PPIH: variants seen among roughly 807,000 people sequenced by gnomAD.
The protein encoded by PPIH is peptidylprolyl isomerase H, also known as peptidyl-prolyl cis-trans isomerase H.
A neutral mutation model predicts 27.6 loss-of-function variants in PPIH; 16 were observed. The ratio of observed to expected loss-of-function variants is 0.58; its 90% CI spans 0.39 to 0.88. The LOEUF is 0.88. Ranked by LOEUF, PPIH falls within the 40% of genes least tolerant of loss-of-function variation. PPIH has a pLI of 0.00. For synonymous variants in PPIH, 63 were observed against 76.1 expected, an observed-to-expected ratio of 0.83 and a Z score of 0.90; for missense variants, 155 against 224.1, an observed-to-expected ratio of 0.69 and a Z score of 1.97.
At chr1:42,667,464 G>A (rs772567472) in intron 9 of PPIH, 24 bp downstream of exon 9, 5 of 1,531,082 alleles carry the variant, frequency 3.3e-6, no homozygotes, top group Non-Finnish European at 4.5e-6. Context: ...TCTCCTATTA[G>A]GTTAGGAATC....
chr1:42,680,336 C>G (rs1474801458), downstream of PPIH, among the ~76,000 whole-genome samples: 1 of 152,210 alleles, frequency 6.6e-6, no homozygotes, highest in Non-Finnish European at 1.5e-5. Flanking sequence ...ATCTGATACA[C>G]TGAAGCAACA....
In PPIH at chr1:42,665,957, CA is replaced by C. The variant is rs763770505; in HGVS notation, c.337-22del. On this transcript the variant is annotated intron_variant, in intron 6 of 9. Coordinates refer to ENST00000304979, the MANE Select transcript of PPIH (RefSeq NM_006347.4). The stretch of plus-strand genomic sequence containing the variant: ...CTAACATGGCCGGGGAAACTTACTG[CA>C]GGTATATTTGGTTTCCATCAGGCGA... 73 of 1,596,652 alleles carry C rather than the reference CA, an allele frequency of 4.6e-5. No individual in the cohort carries two copies. In the African/African-American group the frequency reaches 9.5e-4, roughly 21 times the overall value.
intron 1 of PPIH, 156 bp downstream of exon 1, chr1:42,658,668 G>C (rs993422487): frequency 9.0e-7 from 1 of 1,113,746 alleles, no homozygotes; most frequent in South Asian, 1.4e-5. Context: ...AAAGGAGGAG[G>C]AGGAGTCTCC....
rs780321658 is a variant in PPIH, at chr1:42,666,139, C to A, written c.424+72C>A. 4.6e-5 allele frequency: 65 copies of A among 1,412,178 alleles called. 1 individual carries two copies. Among genetic ancestry groups the A allele is most frequent in the Non-Finnish European group, 6.2e-5 (62 of 998,526 alleles). The allele number at this position is 1,412,178 out of a possible 1,614,324, so 87.5% of individuals were successfully genotyped here. Reference sequence around the variant, plus strand: ...TGGAACCTCCAGAGGAGTTAGTTCTCAAACTCTTACCAAGAAAGCTCAACC... The same window carrying A: ...TGGAACCTCCAGAGGAGTTAGTTCTAAAACTCTTACCAAGAAAGCTCAACC... On this transcript the variant is annotated intron_variant, in intron 7 of 9. Coordinates refer to ENST00000304979, the MANE Select transcript of PPIH (RefSeq NM_006347.4).
intron 9 of PPIH, among the ~76,000 whole-genome samples, chr1:42,674,324 A>G (rs144706038): frequency 3.1e-4 from 48 of 152,386 alleles, no homozygotes; most frequent in Admixed American, 1.2e-3. Context: ...CAGCCTATGC[A>G]AAGTCACAAA....
chr1:42,665,241 T>G (rs1364521028), intron 6 of PPIH, among the ~76,000 whole-genome samples: 1 of 151,862 alleles, frequency 6.6e-6, no homozygotes, highest in African/African-American at 2.4e-5. Flanking sequence ...CCATCTCTAC[T>G]AAAAATACAA....
chr1:42,659,007 T>A, intron 2 of PPIH, 99 bp downstream of exon 2: 1 of 1,407,804 alleles, frequency 7.1e-7, no homozygotes, highest in Non-Finnish European at 1.0e-6. Context: ...GTCCGCTCAC[T>A]GCTCTTGAGA....
At chr1:42,671,285 G>A (rs139400461) in intron 9 of PPIH, among the ~76,000 whole-genome samples, 2,449 of 152,150 alleles carry the variant, frequency 0.016, 37 homozygotes, top group Non-Finnish European at 0.025. Flanking sequence ...AAAATTAGCC[G>A]GGCGTGATGA....
intron 9 of PPIH, among the ~76,000 whole-genome samples, chr1:42,670,008 C>T (rs1361489541): frequency 6.6e-6 from 1 of 152,144 alleles, no homozygotes; most frequent in Non-Finnish European, 1.5e-5. Context: ...TATCTGTGAC[C>T]AACTCTGTTC....
At chr1:42,660,232 A>T (rs1222814468) in intron 4 of PPIH, among the ~76,000 whole-genome samples, 1 of 152,108 alleles carries the variant, frequency 6.6e-6, no homozygotes, top group Non-Finnish European at 1.5e-5. Context: ...CTTTCCCCCA[A>T]ATTTACATCA....
intron 9 of PPIH, among the ~76,000 whole-genome samples, chr1:42,671,586 A>G (rs1252646700): frequency 6.6e-6 from 1 of 152,216 alleles, no homozygotes; most frequent in African/African-American, 2.4e-5. Flanking sequence ...TAAGGGCACT[A>G]TAATTAAAGC....
At chr1:42,659,470 A>G (rs1648879557) in intron 3 of PPIH, 52 bp from the exon 4 acceptor site, 1 of 1,614,062 alleles carries the variant, frequency 6.2e-7, no homozygotes, top group South Asian at 1.1e-5. Flanking sequence ...GTAAACTGGA[A>G]AGGCCTTGTG....
chr1:42,666,512 A>T (rs1649345995), intron 7 of PPIH, 35 bp from the exon 8 acceptor site: 1 of 1,606,238 alleles, frequency 6.2e-7, no homozygotes, highest in Non-Finnish European at 8.5e-7. Context: ...TGCTATGTAA[A>T]CAAGAATAAA....
At chr1:42,658,556 G>A in intron 1 of PPIH, 44 bp downstream of exon 1, 1 of 1,578,814 alleles carries the variant, frequency 6.3e-7, no homozygotes, top group Non-Finnish European at 8.7e-7. Context: ...AAGGGAAACT[G>A]CTCGGGGCTA....
chr1:42,671,267 A>G (rs1333306886), intron 9 of PPIH, among the ~76,000 whole-genome samples: 1 of 152,126 alleles, frequency 6.6e-6, no homozygotes, highest in Non-Finnish European at 1.5e-5. Flanking sequence ...ATCTCTACTA[A>G]AATTACAAAA....
Position 42,658,960 on chromosome 1 carries a change from C to T in PPIH, c.131+52C>T, listed in dbSNP as rs113886306. 1,148 of 1,582,652 alleles carry T rather than the reference C, an allele frequency of 7.3e-4. 12 individuals are homozygous for T. The highest frequency in any genetic ancestry group is 1.9e-3 in the African/African-American group (139 of 74,322). On this transcript the variant is annotated intron_variant, in intron 2 of 9. Transcript: ENST00000304979. The stretch of plus-strand genomic sequence containing the variant: ...ATTAGCTGAGGCAGAAGTCGGGCTC[C>T]AGTCAGCCGCCTGAAATAGCCTGTC...
chr1:42,658,622 AT>A, intron 1 of PPIH, 110 bp downstream of exon 1: 1 of 1,321,454 alleles, frequency 7.6e-7, no homozygotes. Flanking sequence ...AGAAAGTGAA[AT>A]TGCACCCGAA....
chr1:42,661,593 C>G (rs371135352), intron 5 of PPIH, among the ~76,000 whole-genome samples: 4 of 152,274 alleles, frequency 2.6e-5, no homozygotes, highest in African/African-American at 7.2e-5. Flanking sequence ...CCTTACCCCC[C>G]ACTTCTGAAT....
At chr1:42,661,433 G>C (rs1464542417) in intron 5 of PPIH, among the ~76,000 whole-genome samples, 1 of 152,184 alleles carries the variant, frequency 6.6e-6, no homozygotes, top group Non-Finnish European at 1.5e-5. Context: ...TCTATTCACT[G>C]AGAGAGCCCA....
Sources: allele counts gnomAD v4.1 joint callset (sites outside exome capture counted in the v4.1 genomes callset), GRCh38; gene constraint gnomAD v4.1.1; transcripts MANE v1.5; gene names NCBI Gene and HGNC (gene_info 2026-07-23, HGNC 2026-07-21).